Variants in BTBD16 observed in about 807,000 individuals in gnomAD.
BTBD16 encodes BTB domain containing 16.
Under a neutral mutation model 67.4 loss-of-function variants are expected in BTBD16, and 66 were observed. The ratio of observed to expected loss-of-function variants is 0.98; its 90% confidence interval spans 0.80 to 1.20. The LOEUF (loss-of-function observed/expected upper bound fraction) is 1.20. BTBD16 is among the 50% of genes most tolerant of loss of function. BTBD16 has a pLI of 0.00. For synonymous variants in BTBD16, 242 were observed against 236.4 expected, an observed-to-expected ratio of 1.02 and a Z score of -0.22; for missense variants, 634 against 616.0, an observed-to-expected ratio of 1.03 and a Z score of -0.31.
chr10:122,327,446 C>G, intron 10 of BTBD16: 1 of 265,988 alleles, frequency 3.8e-6, no homozygotes, highest in African/African-American at 2.3e-5. Context: ...CTTTACTCCT[C>G]CCTTCTCCCC....
At position 122,325,292 on chromosome 10, in the gene BTBD16, G is replaced by A. The variant is rs142764029; in HGVS notation, c.912-4188G>A. Among the ~76,000 whole-genome samples the A allele has an allele frequency of 6.0e-3, 906 of 152,262 alleles. 7 individuals are homozygous for A. Among genetic ancestry groups the A allele is most frequent in the Non-Finnish European group, 8.3e-3 (562 of 68,012 alleles). On this transcript the variant is annotated intron_variant, in intron 10 of 15. Transcript: ENST00000260723. ...CCAGGCACTATAAAAGACACCAAGA[G>A]TACAACAATAAACAATGCAGACACA...
intron 9 of BTBD16, among the ~76,000 whole-genome samples, chr10:122,300,567 A>C (rs1440804329): frequency 1.3e-5 from 2 of 152,164 alleles, no homozygotes; most frequent in Non-Finnish European, 2.9e-5. Context: ...TTTATTTCCT[A>C]AGAAAAAGAA....
chr10:122,329,646 G>A (rs1036693180), intron 11 of BTBD16, 75 bp downstream of exon 11: 15 of 1,278,078 alleles, frequency 1.2e-5, no homozygotes, highest in African/African-American at 4.4e-5. Context: ...CACTGCCGGG[G>A]GAGCCCCACC....
In BTBD16 at chr10:122,297,979, C is replaced by T. The variant is rs899878175; in HGVS notation, c.660+142C>T. The stretch of plus-strand genomic sequence containing the variant: ...CAAATATTTTATTTTGCCACATGAA[C>T]ACATTTGTGTGTTTTTTTTTTTAAA... On this transcript the variant is annotated intron_variant, in intron 8 of 15. Transcript: ENST00000260723. 1.3e-5 allele frequency: 9 copies of T among 711,584 alleles called. No individual in the cohort carries two copies. In the Admixed American group the frequency reaches 1.7e-4, roughly 14 times the overall value. 44.1% of individuals were successfully genotyped at this position (711,584 alleles called of 1,614,324 possible).
At chr10:122,315,878 G>A (rs1235610426) in intron 10 of BTBD16, among the ~76,000 whole-genome samples, 2 of 152,096 alleles carry the variant, frequency 1.3e-5, no homozygotes, top group African/African-American at 4.8e-5. Flanking sequence ...TCAATTTGAT[G>A]AGTTCTAATA....
intron 9 of BTBD16, among the ~76,000 whole-genome samples, chr10:122,303,434 A>G (rs1464833712): frequency 6.6e-6 from 1 of 152,236 alleles, no homozygotes; most frequent in Non-Finnish European, 1.5e-5. Flanking sequence ...TCTAATGAGC[A>G]TTTAAAATTT....
intron 10 of BTBD16, among the ~76,000 whole-genome samples, chr10:122,325,490 G>T (rs967322506): frequency 6.6e-6 from 1 of 152,082 alleles, no homozygotes; most frequent in Non-Finnish European, 1.5e-5. Flanking sequence ...CACTCACCAG[G>T]ACTGATGGGT....
chr10:122,323,745 A>G (rs2096439456), intron 10 of BTBD16, among the ~76,000 whole-genome samples: 1 of 152,152 alleles, frequency 6.6e-6, no homozygotes, highest in Non-Finnish European at 1.5e-5. Context: ...AGTGCCTTAG[A>G]GATCATCTGG....
chr10:122,333,240 G>A (rs1017279849), intron 13 of BTBD16, among the ~76,000 whole-genome samples: 9 of 152,098 alleles, frequency 5.9e-5, no homozygotes, highest in African/African-American at 2.2e-4. Flanking sequence ...CAGAGACATC[G>A]TGCCTAAGTG....
In BTBD16 at chr10:122,307,275, C is replaced by T. The variant is rs148672960; in HGVS notation, c.878C>T (p.Pro293Leu). 30 of 1,607,062 alleles carry T rather than the reference C, an allele frequency of 1.9e-5. No individual in the cohort carries two copies. The African/African-American group carries it at 2.1e-4, about 11-fold the overall frequency. Reference protein sequence around the residue: ...LQLNYKIQAIPTYETVMTFFK... With the variant: ...LQLNYKIQAILTYETVMTFFK... The stretch of plus-strand genomic sequence containing the variant: ...CTGAACTACAAGATTCAGGCAATTC[C>T]GACTTATGAAACCGTGATGACATTT... The change falls in exon 10 of 16, where the codon CCG becomes CTG. Residue 293 changes from proline to leucine, a missense_variant. By Grantham distance (98) the Pro-to-Leu change is moderately conservative. Transcript: ENST00000260723.
intron 13 of BTBD16, among the ~76,000 whole-genome samples, chr10:122,334,511 TTTTTTTTTTTTTTG>T: frequency 8.5e-6 from 1 of 116,966 alleles, no homozygotes; most frequent in African/African-American, 3.5e-5. Flanking sequence ...TTTTTTTTTT[TTTTTTTTTTTTTTG>T]AGATAGAGTC....
chr10:122,303,496 CT>C (rs1321195190), intron 9 of BTBD16: 1 of 153,522 alleles, frequency 6.5e-6, no homozygotes, highest in African/African-American at 2.4e-5. Flanking sequence ...TTTTCACTCC[CT>C]TCCTAATGGC....
At chr10:122,332,055 A>G in intron 12 of BTBD16, 1 of 184,978 alleles carries the variant, frequency 5.4e-6, no homozygotes, top group Non-Finnish European at 1.1e-5. Flanking sequence ...CCCCGCTGCC[A>G]ACGTCATCCT....
At chr10:122,307,953 T>C (rs1056735567) in intron 10 of BTBD16, among the ~76,000 whole-genome samples, 1 of 152,366 alleles carries the variant, frequency 6.6e-6, no homozygotes, top group Middle Eastern at 3.4e-3. Context: ...TCTTTCTCTG[T>C]CTTGTTATTT....
Position 122,297,813 on chromosome 10 carries a change from G to A in BTBD16, c.636G>A (p.Lys212=), listed in dbSNP as rs2096386172. ...CCAGACTCAAGCCAAGCACCATCAA[G>A]AAATTCTACGAGGCCGGCTGCAAGG... ...MIARLKPSTI[K]KFYEAGCKYK... Residue 212 remains lysine (K), a synonymous_variant, in exon 8 of 16, where the codon AAG becomes AAA. Coordinates refer to ENST00000260723, the MANE Select transcript of BTBD16 (RefSeq NM_144587.5). 1 of 1,614,160 alleles carries A rather than the reference G, an allele frequency of 6.2e-7. No homozygotes were observed. The highest frequency in any genetic ancestry group is 8.5e-7 in the Non-Finnish European group (1 of 1,180,024).
intron 10 of BTBD16, among the ~76,000 whole-genome samples, chr10:122,318,152 CTATCT>C (rs1296349145): frequency 6.6e-6 from 1 of 152,124 alleles, no homozygotes; most frequent in Non-Finnish European, 1.5e-5. Flanking sequence ...TTTGGGACCA[CTATCT>C]TATATGTGGT....
At position 122,310,061 on chromosome 10, in the gene BTBD16, C is replaced by T. The variant is rs867935299; in HGVS notation, c.911+2753C>T. Among the ~76,000 whole-genome samples, 96 of 152,238 alleles carry T rather than the reference C, an allele frequency of 6.3e-4. 2 individuals are homozygous for T. Among genetic ancestry groups the T allele is most frequent in the Middle Eastern group, 3.4e-3 (1 of 292 alleles). ...CACTGGGATTGCAGGCGTGAGCCAC[C>T]GTGCTGGGTCCATTTTTATGTAGCT... On this transcript the variant is annotated intron_variant, in intron 10 of 15. Transcript: ENST00000260723.
chr10:122,286,109 G>A lies in BTBD16; in HGVS notation c.246G>A (p.Val82=). Residue 82 remains valine, a synonymous_variant, in exon 5 of 16, where the codon GTG becomes GTA. Coordinates refer to ENST00000260723, the MANE Select transcript of BTBD16 (RefSeq NM_144587.5). Reference sequence around the variant, plus strand: ...AGCATCATTTTCTGTCCTCAGATGTGATTCTCGAGTGCCTGGGCTTCAAAT... The same window carrying A: ...AGCATCATTTTCTGTCCTCAGATGTAATTCTCGAGTGCCTGGGCTTCAAAT... ...NKDIQSGEAD[V]ILECLGFKWE... 1 of 1,613,226 alleles carries A rather than the reference G, an allele frequency of 6.2e-7. No homozygotes were observed. The highest frequency in any genetic ancestry group is 8.5e-7 in the Non-Finnish European group (1 of 1,179,412).
intron 10 of BTBD16, among the ~76,000 whole-genome samples, chr10:122,309,840 C>T (rs540173434): frequency 4.7e-5 from 7 of 148,430 alleles, no homozygotes; most frequent in Non-Finnish European, 7.4e-5. Flanking sequence ...GGCACGATCT[C>T]GGCTTGCTGC....
Sources: gnomAD v4.1 joint callset for allele counts (sites outside exome capture counted in the v4.1 genomes callset) on GRCh38, gnomAD v4.1.1 for gene constraint, MANE v1.5 for transcripts, NCBI Gene and HGNC (gene_info 2026-07-23, HGNC 2026-07-21) for gene names.